The following PIP5K1A variants were observed in gnomAD, a reference collection of about 807,000 sequenced individuals.
PIP5K1A encodes the protein phosphatidylinositol 4-phosphate 5-kinase type-1 alpha.
Under a neutral mutation model 72.9 loss-of-function variants are expected in PIP5K1A, and 46 were observed. The observed-to-expected ratio is 0.63, with a 90% CI of 0.50 to 0.81. PIP5K1A has a LOEUF of 0.81. Among genes scored for constraint, PIP5K1A ranks in the 30% least tolerant of loss-of-function variants. The probability of loss-of-function intolerance (pLI) is 0.00; values close to 1 mark genes in which losing one functional copy is unlikely to be tolerated. For missense variants in PIP5K1A, 458 were observed against 706.1 expected, an observed-to-expected ratio of 0.65 and a Z score of 3.98; for synonymous variants, 228 against 255.1, an observed-to-expected ratio of 0.89 and a Z score of 1.01.
chr1:151,227,530 C>T (rs920721504), intron 4 of PIP5K1A, 130 bp downstream of exon 4: 17 of 517,506 alleles, frequency 3.3e-5, no homozygotes, highest in African/African-American at 3.1e-4. Context: ...GCACATAATA[C>T]AGCTTAGACT....
At chr1:151,239,446 T>C (rs1452918506) in intron 11 of PIP5K1A, among the ~76,000 whole-genome samples, 1 of 151,930 alleles carries the variant, frequency 6.6e-6, no homozygotes, top group African/African-American at 2.4e-5. Context: ...CTAATTTTTG[T>C]ATTTTTAGTA....
At chr1:151,228,647 T>C (rs1359294599) in intron 4 of PIP5K1A, among the ~76,000 whole-genome samples, 6 of 152,150 alleles carry the variant, frequency 3.9e-5, no homozygotes, top group Admixed American at 3.9e-4. Flanking sequence ...GGTTTTCAGA[T>C]GGTTTAGGCT....
chr1:151,196,052 C>G (rs752063485), upstream of PIP5K1A, among the ~76,000 whole-genome samples: 1 of 151,532 alleles, frequency 6.6e-6, no homozygotes, highest in Non-Finnish European at 1.5e-5. Context: ...CGCCGGCCAA[C>G]TCACCCGGCT....
intron 1 of PIP5K1A, among the ~76,000 whole-genome samples, chr1:151,210,176 G>A (rs1355236225): frequency 6.6e-6 from 1 of 151,276 alleles, no homozygotes; most frequent in South Asian, 2.1e-4. Flanking sequence ...GAGCCACTGC[G>A]CCCGCCCTCC....
intron 1 of PIP5K1A, among the ~76,000 whole-genome samples, chr1:151,214,255 T>G (rs1446940340): frequency 6.6e-6 from 1 of 152,224 alleles, no homozygotes; most frequent in Non-Finnish European, 1.5e-5. Context: ...ATCCTTGTAA[T>G]GTATAACCTT....
chr1:151,248,034 TC>T lies in PIP5K1A; in HGVS notation c.*170del. The stretch of plus-strand genomic sequence containing the variant: ...ATCTTCTTCCTGAAGAAGAACCTTC[TC>T]TCCTTCCTCTTCCTCATGAATGGGC... On this transcript the variant is annotated 3_prime_UTR_variant, in exon 16 of 16. Transcript: ENST00000368888. 1 of 654,922 alleles carries T rather than the reference TC, an allele frequency of 1.5e-6. No individual in the cohort carries two copies. The highest frequency in any genetic ancestry group is 2.4e-5 in the Admixed American group (1 of 41,788). The allele number at this position is 654,922 out of a possible 1,614,324, so 40.6% of individuals were successfully genotyped here. A position where few individuals can be genotyped will look rare whatever the true frequency, so the allele number is the denominator to read the frequency against.
chr1:151,234,611 T>C, intron 8 of PIP5K1A, 115 bp downstream of exon 8: 1 of 775,136 alleles, frequency 1.3e-6, no homozygotes, highest in Admixed American at 2.4e-5. Context: ...TGTCCTGGGC[T>C]GTATTTAAAA....
In PIP5K1A at chr1:151,224,295, A is replaced by G. The variant is rs765054728; in HGVS notation, c.120+16A>G. The G allele has an allele frequency of 1.9e-6, 3 of 1,612,058 alleles. No homozygotes were observed. The highest frequency in any genetic ancestry group is 2.5e-6 in the Non-Finnish European group (3 of 1,178,238). On this transcript the variant is annotated intron_variant, in intron 2 of 15. Coordinates refer to ENST00000368888, the MANE Select transcript of PIP5K1A (RefSeq NM_001135638.2). ...GGCATCTGAGGTGAGTTTCATACTG[A>G]TACAATGGTTACTAAAACCTTAATT...
chr1:151,239,931 T>C lies in PIP5K1A; in HGVS notation c.1279-24T>C, dbSNP rs587641505. ...TTCCTCTTGCCGGGCCTCCTAACTC[T>C]ATAGCATTTCTTCTGCTCTGCAGGA... On this transcript the variant is annotated intron_variant, in intron 11 of 15. Coordinates refer to ENST00000368888, the MANE Select transcript of PIP5K1A (RefSeq NM_001135638.2). 3.2e-5 allele frequency: 48 copies of C among 1,501,022 alleles called. No homozygotes were observed. The South Asian group carries it at 5.0e-4, about 15-fold the overall frequency. 93.0% of individuals were successfully genotyped at this position (1,501,022 alleles called of 1,614,324 possible).
intron 1 of PIP5K1A, among the ~76,000 whole-genome samples, chr1:151,219,468 T>G (rs587603508): frequency 4.2e-4 from 62 of 148,628 alleles, no homozygotes; most frequent in Admixed American, 9.4e-4. Context: ...GGGCGGGTCA[T>G]CTGCAGTCAG....
intron 1 of PIP5K1A, among the ~76,000 whole-genome samples, chr1:151,200,647 T>A (rs1024334222): frequency 3.3e-5 from 5 of 152,142 alleles, no homozygotes; most frequent in African/African-American, 1.2e-4. Context: ...AAATATCTAG[T>A]CACACATATC....
At chr1:151,226,904 A>G (rs989714383) in intron 3 of PIP5K1A, among the ~76,000 whole-genome samples, 6 of 144,566 alleles carry the variant, frequency 4.2e-5, no homozygotes, top group Non-Finnish European at 6.1e-5. Context: ...GTGTGCACCT[A>G]TAATCCCAGC....
At chr1:151,235,376 C>T (rs1021742720) in intron 8 of PIP5K1A, among the ~76,000 whole-genome samples, 2 of 152,212 alleles carry the variant, frequency 1.3e-5, no homozygotes. Flanking sequence ...AGCCACCGCA[C>T]CCGGCCTAGA....
At position 151,247,838 on chromosome 1, in the gene PIP5K1A, T is replaced by G. The variant is rs149796467; in HGVS notation, c.1687-25T>G. ...CTGCTTAATCTCATACTCCACATCC[T>G]TAACTTTACACTCTCCCTTTTCAGT... On this transcript the variant is annotated intron_variant, in intron 15 of 15. Transcript: ENST00000368888. The G allele has an allele frequency of 3.4e-4, 545 of 1,596,418 alleles. 4 individuals are homozygous for G. In the East Asian group the frequency reaches 0.012, roughly 36 times the overall value.
chr1:151,239,372 A>G (rs1691340634), intron 11 of PIP5K1A, among the ~76,000 whole-genome samples, 194 bp downstream of exon 11: 1 of 150,442 alleles, frequency 6.6e-6, no homozygotes, highest in Non-Finnish European at 1.5e-5. Context: ...TCGCAGTTTC[A>G]AGTGATTCTC....
At chr1:151,215,772 C>T (rs1242984719) in intron 1 of PIP5K1A, among the ~76,000 whole-genome samples, 1 of 152,122 alleles carries the variant, frequency 6.6e-6, no homozygotes, top group African/African-American at 2.4e-5. Flanking sequence ...GCTTCTCCTT[C>T]TGCCATTTTT....
intron 1 of PIP5K1A, among the ~76,000 whole-genome samples, chr1:151,219,106 C>T (rs587738514): frequency 5.9e-5 from 9 of 152,204 alleles, no homozygotes; most frequent in Admixed American, 3.3e-4. Flanking sequence ...GTAGGCTGGG[C>T]ACAATGGCTC....
intron 1 of PIP5K1A, among the ~76,000 whole-genome samples, chr1:151,209,729 G>A (rs1183301848): frequency 1.3e-5 from 2 of 151,228 alleles, no homozygotes; most frequent in African/African-American, 2.4e-5. Flanking sequence ...GTGAGCCACC[G>A]TGCCCCGCCT....
upstream of PIP5K1A, among the ~76,000 whole-genome samples, chr1:151,196,186 C>G (rs1000445836): frequency 6.6e-6 from 1 of 151,980 alleles, no homozygotes; most frequent in East Asian, 1.9e-4. Flanking sequence ...CGTGAGCCAC[C>G]GCGTCCGGCT....
Sources: allele counts gnomAD v4.1 joint callset (sites outside exome capture counted in the v4.1 genomes callset), GRCh38; gene constraint gnomAD v4.1.1; transcripts MANE v1.5; gene names NCBI Gene and HGNC (gene_info 2026-07-23, HGNC 2026-07-21).